The following HPSE2 variants were observed in gnomAD, a reference collection of about 807,000 sequenced individuals.
HPSE2 encodes heparanase 2 (inactive), also known as inactive heparanase-2.
Under a neutral mutation model 60.5 loss-of-function variants are expected in HPSE2, and 38 were observed. The ratio of observed to expected loss-of-function variants is 0.63; its 90% CI spans 0.48 to 0.82. HPSE2 has a LOEUF of 0.82. HPSE2 is among the 40% of genes least tolerant of loss of function. The pLI is 0.00. For synonymous variants in HPSE2, 295 were observed against 293.2 expected (o/e 1.01, Z -0.06); for missense variants, 713 against 740.4 (o/e 0.96, Z 0.43).
chr10:98,622,908 TCAAAAGA>T (rs1459668372), intron 7 of HPSE2, among the ~76,000 whole-genome samples: 2 of 152,026 alleles, frequency 1.3e-5, no homozygotes, highest in African/African-American at 4.8e-5. Context: ...CCTTAAATAA[TCAAAAGA>T]CACATCCATA....
intron 3 of HPSE2, among the ~76,000 whole-genome samples, chr10:98,954,051 A>G (rs570014748): frequency 1.6e-4 from 25 of 152,268 alleles, no homozygotes; most frequent in Non-Finnish European, 2.6e-4. Context: ...CACGCCTGTA[A>G]TCCCAGCACT....
intron 3 of HPSE2, among the ~76,000 whole-genome samples, chr10:98,962,218 C>T (rs1212937108): frequency 5.6e-5 from 5 of 88,852 alleles, no homozygotes; most frequent in East Asian, 6.3e-4. Flanking sequence ...ATTGACTTGG[C>T]GATGCGGGCT....
At chr10:98,492,308 C>A (rs1260596086) in intron 9 of HPSE2, among the ~76,000 whole-genome samples, 1 of 152,054 alleles carries the variant, frequency 6.6e-6, no homozygotes, top group Non-Finnish European at 1.5e-5. Context: ...CGAGACCATC[C>A]TGGCTAACAC....
At chr10:98,941,338 T>C (rs1358027666) in intron 3 of HPSE2, among the ~76,000 whole-genome samples, 4 of 119,570 alleles carry the variant, frequency 3.3e-5, no homozygotes, top group Admixed American at 1.7e-4. Context: ...AAAACCCCAT[T>C]GTCTCAGCCC....
rs1397904811 is a variant in HPSE2, at chr10:99,126,007, A to C, written c.610+18231T>G. ...AGGCGAATGGGGACTGCTGCAGATA[A>C]CGAGCACAGGAGCTGGTGATGACAG... On this transcript the variant is annotated intron_variant, in intron 3 of 11. Transcript: ENST00000370552. The surrounding 1 kb of genome is among the most constrained non-coding windows in gnomAD (Gnocchi z 4.0). Among the ~76,000 whole-genome samples the C allele has an allele frequency of 6.6e-6, 1 of 152,128 alleles. No homozygotes were observed. The highest frequency in any genetic ancestry group is 1.9e-4 in the East Asian group (1 of 5,180).
intron 2 of HPSE2, among the ~76,000 whole-genome samples, chr10:99,150,207 G>C (rs962197278): frequency 6.6e-6 from 1 of 152,150 alleles, no homozygotes; most frequent in African/African-American, 2.4e-5. Flanking sequence ...AAAAGCATTT[G>C]TATTTTTGTT....
chr10:98,932,591 T>C lies in HPSE2; in HGVS notation c.611-188535A>G, dbSNP rs1954670330. On this transcript the variant is annotated intron_variant, in intron 3 of 11. Coordinates refer to ENST00000370552, the MANE Select transcript of HPSE2 (RefSeq NM_021828.5). Reference sequence around the variant, plus strand: ...CTGGTAGAATTCAGCTGTAACTCCATCTGGAGCTGGGCTTTTTTTTTTTTT... The same window carrying C: ...CTGGTAGAATTCAGCTGTAACTCCACCTGGAGCTGGGCTTTTTTTTTTTTT... 1.7e-5 allele frequency among the ~76,000 whole-genome samples: 2 copies of C among 119,470 alleles called. 1 individual carries two copies. Among genetic ancestry groups the C allele is most frequent in the African/African-American group, 7.4e-5 (2 of 26,972 alleles). 78.4% of individuals were successfully genotyped at this position (119,470 alleles called of 152,430 possible).
chr10:98,493,963 C>T (rs974802513), intron 9 of HPSE2, among the ~76,000 whole-genome samples: 3 of 151,998 alleles, frequency 2.0e-5, no homozygotes, highest in Admixed American at 2.0e-4. Flanking sequence ...TAACTATTTT[C>T]TTTGTGGTTA....
intron 9 of HPSE2, among the ~76,000 whole-genome samples, chr10:98,604,320 G>C (rs2133950396): frequency 6.6e-6 from 1 of 150,960 alleles, no homozygotes. Flanking sequence ...AAAAAAAAAT[G>C]CTAGAGATCA....
At chr10:98,752,690 T>C (rs1027704320) in intron 3 of HPSE2, among the ~76,000 whole-genome samples, 1 of 152,180 alleles carries the variant, frequency 6.6e-6, no homozygotes, top group Non-Finnish European at 1.5e-5. Flanking sequence ...CTTACAGAGC[T>C]GTAAGAGCAT....
At chr10:99,266,776 G>A in the HPSE2 span, among the ~76,000 whole-genome samples, 2 of 152,150 alleles carry the variant, frequency 1.3e-5, no homozygotes, top group African/African-American at 4.8e-5. Context: ...AACAAAGCAG[G>A]TGCTACTACC....
At chr10:98,845,304 C>T (rs1952008659) in intron 3 of HPSE2, among the ~76,000 whole-genome samples, 1 of 152,138 alleles carries the variant, frequency 6.6e-6, no homozygotes. Context: ...AGGTGAGCAG[C>T]CAAAAAGATG....
chr10:99,021,542 AAATT>A (rs1015555459), intron 3 of HPSE2, among the ~76,000 whole-genome samples: 1 of 152,196 alleles, frequency 6.6e-6, no homozygotes, highest in Non-Finnish European at 1.5e-5. Context: ...GTCCTACTCT[AAATT>A]AATTATGACA....
At chr10:98,960,741 T>C (rs1564692874) in intron 3 of HPSE2, among the ~76,000 whole-genome samples, 14 of 15,246 alleles carry the variant, frequency 9.2e-4, no homozygotes, top group East Asian at 2.7e-3. Context: ...TTTTATTTTA[T>C]TTTTTTTTTT....
chr10:98,980,216 A>G (rs1010861476), intron 3 of HPSE2, among the ~76,000 whole-genome samples: 1 of 152,202 alleles, frequency 6.6e-6, no homozygotes, highest in African/African-American at 2.4e-5. Context: ...AATAATATCA[A>G]TCTCACAATT....
At chr10:98,636,236 T>G (rs372143788) in intron 7 of HPSE2, among the ~76,000 whole-genome samples, 563 of 17,354 alleles carry the variant, frequency 0.032, 5 homozygotes, top group African/African-American at 0.046. Context: ...AATTATCCTG[T>G]TTTTTTTTTT....
At chr10:99,191,729 T>C (rs1848228982) in intron 2 of HPSE2, among the ~76,000 whole-genome samples, 1 of 152,034 alleles carries the variant, frequency 6.6e-6, no homozygotes, top group South Asian at 2.1e-4. Context: ...CCAACGAACA[T>C]CCACAACCAT....
chr10:98,879,303 T>C (rs1253756910), intron 3 of HPSE2, among the ~76,000 whole-genome samples: 1 of 152,054 alleles, frequency 6.6e-6, no homozygotes, highest in Non-Finnish European at 1.5e-5. Flanking sequence ...TAGTTTGTTT[T>C]AAGGTGTTTC....
Position 98,620,696 on chromosome 10 carries a change from A to G in HPSE2, c.1111T>C (p.Tyr371His). 1 of 1,612,972 alleles carries G rather than the reference A, an allele frequency of 6.2e-7. No individual in the cohort carries two copies. Among genetic ancestry groups the G allele is most frequent in the Non-Finnish European group, 8.5e-7 (1 of 1,178,998 alleles). ...IRKIQKVVNT[Y>H]TPGKKIWLEG... ...AGCCAAATCTTCTTTCCTGGAGTGT[A>G]TGTATTAACCACCTGTTTACACAAC... is the stretch of plus-strand genomic sequence containing the variant. The change falls in exon 8 of 12, where the codon TAC (tyrosine) becomes CAC (histidine). Residue 371 changes from tyrosine to histidine, a missense_variant. By Grantham distance (83) the Tyr-to-His change is moderately conservative. Transcript: ENST00000370552.
Sources: gnomAD v4.1 joint callset for allele counts (sites outside exome capture counted in the v4.1 genomes callset) on GRCh38, gnomAD v4.1.1 for gene constraint, Gnocchi (gnomAD v3.1) non-coding constraint, MANE v1.5 for transcripts, NCBI Gene and HGNC (gene_info 2026-07-23, HGNC 2026-07-21) for gene names.